The following TMEM132C variants were observed in gnomAD, a reference collection of about 807,000 sequenced individuals.
TMEM132C encodes transmembrane protein 132C.
In TMEM132C, 29 loss-of-function variants were observed where a neutral mutation model predicts 61.4. That is an observed-to-expected ratio of 0.47 (90% CI 0.35 to 0.64). The LOEUF (loss-of-function observed/expected upper bound fraction) is 0.64. TMEM132C is among the 30% of genes least tolerant of loss of function. The pLI is 0.00. For missense variants in TMEM132C, 1,408 were observed against 1,476.9 expected (o/e 0.95, Z 0.76); for synonymous variants, 656 against 633.1 (o/e 1.04, Z -0.54).
At position 128,564,230 on chromosome 12, in the gene TMEM132C, C is replaced by T. The variant is rs1406729693; in HGVS notation, c.1121+20127C>T. Among the ~76,000 whole-genome samples the T allele has an allele frequency of 2.6e-5, 4 of 152,202 alleles. No homozygotes were observed. In the East Asian group the frequency reaches 7.7e-4, roughly 29 times the overall value. Reference sequence around the variant, plus strand: ...AACTTAACTCAGCTCTGAAAGGCCTCACCTCTCAGTACAATTGCATTGGGG... The same window carrying T: ...AACTTAACTCAGCTCTGAAAGGCCTTACCTCTCAGTACAATTGCATTGGGG... On this transcript the variant is annotated intron_variant, in intron 3 of 8. Transcript: ENST00000435159.
chr12:128,646,745 T>C (rs559308321), intron 4 of TMEM132C, among the ~76,000 whole-genome samples: 2 of 151,538 alleles, frequency 1.3e-5, no homozygotes, highest in Admixed American at 1.3e-4. Flanking sequence ...GTGTGTTTAC[T>C]AGAGTCCATC....
At chr12:128,640,650 C>T (rs781096027) in intron 4 of TMEM132C, among the ~76,000 whole-genome samples, 2 of 152,194 alleles carry the variant, frequency 1.3e-5, no homozygotes, top group Non-Finnish European at 2.9e-5. Flanking sequence ...AATCCCAACA[C>T]TTTGGGAGGC....
At chr12:128,533,803 TTTCAGTTTGAACGTAC>T (rs1873413175) in intron 2 of TMEM132C, among the ~76,000 whole-genome samples, 1 of 152,132 alleles carries the variant, frequency 6.6e-6, no homozygotes, top group South Asian at 2.1e-4. Flanking sequence ...AATTATCATT[TTTCAGTTTGAACGTAC>T]TCTGAAGATC....
intron 4 of TMEM132C, among the ~76,000 whole-genome samples, chr12:128,636,822 C>T (rs1954108082): frequency 2.6e-5 from 4 of 152,086 alleles, no homozygotes; most frequent in Admixed American, 2.6e-4. Flanking sequence ...CTATGAGTTG[C>T]ATTGTTTCAG....
chr12:128,456,249 T>A (rs1390368997), intron 2 of TMEM132C, among the ~76,000 whole-genome samples: 2 of 152,222 alleles, frequency 1.3e-5, no homozygotes, highest in East Asian at 3.9e-4. Flanking sequence ...CGATGCAGTC[T>A]TCAGAGATGT....
rs1489396913 is a variant in TMEM132C at position 128,267,495 on chromosome 12, CG to C, written c.85+12del. 2 of 1,244,120 alleles carry C rather than the reference CG, an allele frequency of 1.6e-6. No individual in the cohort carries two copies. The highest frequency in any genetic ancestry group is 2.0e-6 in the Non-Finnish European group (2 of 994,554). 77.1% of individuals were successfully genotyped at this position (1,244,120 alleles called of 1,614,324 possible). A position where few individuals can be genotyped will look rare whatever the true frequency, so the allele number is the denominator to read the frequency against. ...GCGCGCTGCTGGGCAAAGGTAAGGC[CG>C]GGGCGGGTGCCTGGCGCGCCGACGC... On this transcript the variant is annotated intron_variant, in intron 1 of 8. Coordinates refer to ENST00000435159, the MANE Select transcript of TMEM132C (RefSeq NM_001136103.3).
At chr12:128,386,910 C>T (rs1241649741) in intron 1 of TMEM132C, among the ~76,000 whole-genome samples, 2 of 152,170 alleles carry the variant, frequency 1.3e-5, no homozygotes, top group South Asian at 4.2e-4. Context: ...GGGAGAATCC[C>T]TTGAAGCCAG....
chr12:128,564,399 G>A (rs1397221155), intron 3 of TMEM132C, among the ~76,000 whole-genome samples: 1 of 152,176 alleles, frequency 6.6e-6, no homozygotes, highest in Non-Finnish European at 1.5e-5. Flanking sequence ...ATCTCCAGCA[G>A]TGCCCCGCAA....
At chr12:128,413,298 CAAAAAAAA>C (rs56026776) in intron 1 of TMEM132C, among the ~76,000 whole-genome samples, 1 of 60,578 alleles carries the variant, frequency 1.7e-5, no homozygotes, top group African/African-American at 6.9e-5. Context: ...GACTCTGTCT[CAAAAAAAA>C]AAAAAAAAAA....
chr12:128,433,500 A>G (rs560241282), intron 2 of TMEM132C, among the ~76,000 whole-genome samples: 18 of 152,294 alleles, frequency 1.2e-4, no homozygotes, highest in African/African-American at 3.4e-4. Context: ...GCCTCAGTTT[A>G]CCTTTTAACA....
chr12:128,420,690 G>A (rs1169380222), intron 2 of TMEM132C, among the ~76,000 whole-genome samples: 1 of 152,078 alleles, frequency 6.6e-6, no homozygotes, highest in Non-Finnish European at 1.5e-5. Flanking sequence ...TGCAGATTCT[G>A]GATTAAATTT....
At chr12:128,665,638 C>CACACAT (rs1287864952) in intron 4 of TMEM132C, among the ~76,000 whole-genome samples, 1 of 149,194 alleles carries the variant, frequency 6.7e-6, no homozygotes, top group East Asian at 2.0e-4. Context: ...CACACACACA[C>CACACAT]ACACACCCAG....
chr12:128,493,253 C>A (rs536757004), intron 2 of TMEM132C, among the ~76,000 whole-genome samples: 26 of 152,052 alleles, frequency 1.7e-4, no homozygotes, highest in Middle Eastern at 3.4e-3. Flanking sequence ...GTTACTGTAG[C>A]CTTGTAATAT....
chr12:128,683,629 C>A (rs567708071), intron 5 of TMEM132C, among the ~76,000 whole-genome samples: 1 of 152,302 alleles, frequency 6.6e-6, no homozygotes, highest in African/African-American at 2.4e-5. Context: ...GGAATCCACA[C>A]ATATAAACTC....
chr12:128,639,931 A>G (rs1440562267), intron 4 of TMEM132C, among the ~76,000 whole-genome samples: 1 of 152,258 alleles, frequency 6.6e-6, no homozygotes, highest in Non-Finnish European at 1.5e-5. Flanking sequence ...TCAGAATCTT[A>G]AGATGAATTT....
At chr12:128,601,529 C>T (rs957957490) in intron 3 of TMEM132C, among the ~76,000 whole-genome samples, 1 of 152,180 alleles carries the variant, frequency 6.6e-6, no homozygotes, top group Admixed American at 6.5e-5. Flanking sequence ...AGGCTGTATA[C>T]ATAAAGTGGC....
In TMEM132C at chr12:128,705,761, G is replaced by A; in HGVS notation, c.2793G>A (p.Leu931=). The A allele has an allele frequency of 6.4e-7, 1 of 1,551,522 alleles. No homozygotes were observed. Residue 931 remains leucine (L), a synonymous_variant, in exon 9 of 9, where the codon CTG becomes CTA. Coordinates refer to ENST00000435159, the MANE Select transcript of TMEM132C (RefSeq NM_001136103.3). The part of the protein sequence containing the change: ...SDLEIGMYAL[L]GVFCLAILVF... ...TGGAGATAGGGATGTACGCCCTCCT[G>A]GGGGTGTTCTGCCTGGCCATCCTCG... is the stretch of plus-strand genomic sequence containing the variant.
chr12:128,655,146 G>A (rs142244991), intron 4 of TMEM132C, among the ~76,000 whole-genome samples: 2,108 of 152,310 alleles, frequency 0.014, 28 homozygotes, highest in Non-Finnish European at 0.015. Flanking sequence ...CCGGGAGGCA[G>A]CGTGGTCAGG....
At chr12:128,574,497 G>A (rs1005233491) in intron 3 of TMEM132C, among the ~76,000 whole-genome samples, 3 of 152,198 alleles carry the variant, frequency 2.0e-5, no homozygotes, top group Admixed American at 6.5e-5. Flanking sequence ...TTGTTCCGTC[G>A]TGGCGGCACT....
Sources: gnomAD v4.1 joint callset for allele counts (sites outside exome capture counted in the v4.1 genomes callset) on GRCh38, gnomAD v4.1.1 for gene constraint, MANE v1.5 for transcripts, NCBI Gene and HGNC (gene_info 2026-07-23, HGNC 2026-07-21) for gene names.